Variants in CCDC150 observed in about 807,000 individuals in gnomAD.
CCDC150 encodes coiled-coil domain containing 150, also known as coiled-coil domain-containing protein 150.
A neutral mutation model predicts 156.5 loss-of-function variants in CCDC150; 151 were observed. The ratio of observed to expected loss-of-function variants is 0.97; its 90% confidence interval spans 0.85 to 1.10. The LOEUF (loss-of-function observed/expected upper bound fraction) is 1.10, where lower values mean the gene tolerates loss of function less well. Among genes scored for constraint, CCDC150 ranks in the 50% least tolerant of loss-of-function variants. The pLI, the probability that CCDC150 is intolerant of heterozygous loss-of-function variation, is 0.00. For synonymous variants in CCDC150, 452 were observed against 429.4 expected (o/e 1.05, Z -0.65); for missense variants, 1,312 against 1,268.1 (o/e 1.03, Z -0.53).
intron 15 of CCDC150, among the ~76,000 whole-genome samples, chr2:196,704,041 T>C (rs563109667): frequency 6.6e-6 from 1 of 152,328 alleles, no homozygotes; most frequent in South Asian, 2.1e-4. Flanking sequence ...CACATAACTC[T>C]TACAAGACAA....
chr2:196,704,963 T>C (rs998652408), intron 15 of CCDC150, among the ~76,000 whole-genome samples: 7 of 152,248 alleles, frequency 4.6e-5, no homozygotes, highest in African/African-American at 1.7e-4. Context: ...TATGAACATT[T>C]TGGGTTGGTT....
intron 15 of CCDC150, among the ~76,000 whole-genome samples, chr2:196,710,341 C>G (rs766848713): frequency 1.8e-4 from 28 of 152,244 alleles, no homozygotes; most frequent in Admixed American, 7.2e-4. Context: ...GTGCTGTTTG[C>G]TAAGACTGTT....
rs564531591 is a variant in CCDC150 at position 196,684,835 on chromosome 2, G to T, written c.1509+7474G>T. ...CCAGTTTTTTCTTAATGTCTATTTT[G>T]TCTAATATTAGTACAATCATTCTAG... On this transcript the variant is annotated intron_variant, in intron 13 of 27. Coordinates refer to ENST00000389175, the MANE Select transcript of CCDC150 (RefSeq NM_001080539.2). Among the ~76,000 whole-genome samples the T allele has an allele frequency of 5.9e-5, 9 of 151,678 alleles. No homozygotes were observed. The East Asian group carries it at 1.6e-3, about 26-fold the overall frequency.
chr2:196,665,542 G>A lies in CCDC150; in HGVS notation c.646-25G>A, dbSNP rs766960775. ...TAAACTAGTATGATCAATTGGTCTTGCCTAACTGCAGTGTTGCTTTGTAGC... is the reference window on the plus strand; with the variant it reads ...TAAACTAGTATGATCAATTGGTCTTACCTAACTGCAGTGTTGCTTTGTAGC... On this transcript the variant is annotated intron_variant, in intron 5 of 27. Transcript: ENST00000389175. The A allele has an allele frequency of 2.9e-6, 4 of 1,401,486 alleles. No homozygotes were observed. In the East Asian group the frequency reaches 9.5e-5, roughly 33 times the overall value. The allele number at this position is 1,401,486 out of a possible 1,614,324, so 86.8% of individuals were successfully genotyped here.
At chr2:196,693,623 A>G (rs1444711405) in intron 13 of CCDC150, among the ~76,000 whole-genome samples, 1 of 151,990 alleles carries the variant, frequency 6.6e-6, no homozygotes, top group African/African-American at 2.4e-5. Flanking sequence ...TCCAATCTTA[A>G]TGCCTTTTAT....
intron 13 of CCDC150, among the ~76,000 whole-genome samples, chr2:196,682,403 T>G (rs1300845978): frequency 7.7e-6 from 1 of 129,678 alleles, no homozygotes; most frequent in Non-Finnish European, 1.5e-5. Flanking sequence ...TCTTCCAACT[T>G]TTTTTTTTGT....
chr2:196,693,369 T>C (rs1183437366), intron 13 of CCDC150, among the ~76,000 whole-genome samples: 1 of 152,236 alleles, frequency 6.6e-6, no homozygotes, highest in Non-Finnish European at 1.5e-5. Context: ...CATCATATCT[T>C]AGACATATTT....
intron 15 of CCDC150, among the ~76,000 whole-genome samples, chr2:196,711,564 C>T (rs1158687601): frequency 1.3e-5 from 2 of 152,054 alleles, no homozygotes; most frequent in African/African-American, 2.4e-5. Context: ...ATGATTTTGT[C>T]CTCCAAAATG....
chr2:196,684,652 G>A (rs1695026018), intron 13 of CCDC150, among the ~76,000 whole-genome samples: 2 of 152,058 alleles, frequency 1.3e-5, no homozygotes, highest in South Asian at 4.1e-4. Flanking sequence ...GGGTATTGAA[G>A]TCTCCAACTA....
intron 2 of CCDC150, among the ~76,000 whole-genome samples, chr2:196,653,396 G>C (rs2125579008): frequency 6.6e-6 from 1 of 152,318 alleles, no homozygotes; most frequent in Admixed American, 6.5e-5. Context: ...GATTTCTTCT[G>C]CTGGATACCC....
At chr2:196,715,633 A>G (rs1575943844) in intron 17 of CCDC150, among the ~76,000 whole-genome samples, 1 of 152,184 alleles carries the variant, frequency 6.6e-6, no homozygotes, top group African/African-American at 2.4e-5. Context: ...TTTTCAACAA[A>G]CGGTGCCGGG....
intron 2 of CCDC150, among the ~76,000 whole-genome samples, chr2:196,656,255 C>T (rs1341680593): frequency 6.6e-6 from 1 of 152,160 alleles, no homozygotes; most frequent in African/African-American, 2.4e-5. Flanking sequence ...CCCTTCTCTC[C>T]TCAGGGAGAG....
At chr2:196,651,252 A>G (rs1244707125) in intron 2 of CCDC150, among the ~76,000 whole-genome samples, 1 of 152,202 alleles carries the variant, frequency 6.6e-6, no homozygotes, top group Non-Finnish European at 1.5e-5. Context: ...TTAGCAAATT[A>G]TTGTAGCTAT....
At chr2:196,727,966 CGCACCACT>C (rs1392259322) in intron 22 of CCDC150, 2 of 141,364 alleles carry the variant, frequency 1.4e-5, no homozygotes. Flanking sequence ...GAGCTGAGAT[CGCACCACT>C]GCACTCTAGC....
At chr2:196,720,300 T>C in intron 19 of CCDC150, 1 of 401,850 alleles carries the variant, frequency 2.5e-6, no homozygotes, top group South Asian at 2.9e-5. Flanking sequence ...TATGAAAGTA[T>C]ATTGCCTTTG....
At chr2:196,655,899 T>G (rs549778634) in intron 2 of CCDC150, among the ~76,000 whole-genome samples, 59 of 152,210 alleles carry the variant, frequency 3.9e-4, no homozygotes, top group African/African-American at 1.4e-3. Context: ...GCTTGGGGGC[T>G]GCCAAGCTCC....
At chr2:196,683,411 G>C (rs1435268504) in intron 13 of CCDC150, among the ~76,000 whole-genome samples, 1 of 151,944 alleles carries the variant, frequency 6.6e-6, no homozygotes, top group Non-Finnish European at 1.5e-5. Context: ...CATTAGGCTT[G>C]CTAGTATTTT....
chr2:196,706,396 CT>C (rs1696634569), intron 15 of CCDC150, among the ~76,000 whole-genome samples: 1 of 152,200 alleles, frequency 6.6e-6, no homozygotes, highest in Non-Finnish European at 1.5e-5. Flanking sequence ...AGCTTATCAG[CT>C]TAAGGAGATT....
intron 2 of CCDC150, 48 bp from the exon 3 acceptor site, chr2:196,656,585 A>G: frequency 1.5e-6 from 2 of 1,298,512 alleles, no homozygotes; most frequent in Non-Finnish European, 2.2e-6. Flanking sequence ...GGATTACCAT[A>G]GTAGAAATTG....
Sources: gnomAD v4.1 joint callset for allele counts (sites outside exome capture counted in the v4.1 genomes callset) on GRCh38, gnomAD v4.1.1 for gene constraint, MANE v1.5 for transcripts, NCBI Gene and HGNC (gene_info 2026-07-23, HGNC 2026-07-21) for gene names.